NEK11: variants seen among roughly 807,000 people sequenced by gnomAD.
The protein encoded by NEK11 is NIMA related kinase 11, also known as serine/threonine-protein kinase Nek11.
In NEK11, 72 loss-of-function variants were observed where a neutral mutation model predicts 80.7. The observed-to-expected ratio is 0.89, with a 90% CI of 0.74 to 1.08. The LOEUF is 1.08. NEK11 is among the 50% of genes least tolerant of loss of function. The pLI, the probability that NEK11 is intolerant of heterozygous loss-of-function variation, is 0.00. For synonymous variants in NEK11, 251 were observed against 260.7 expected (o/e 0.96, Z 0.36); for missense variants, 764 against 763.6 (o/e 1.00, Z -0.01).
At chr3:131,081,880 A>C (rs2075326188) in intron 4 of NEK11, among the ~76,000 whole-genome samples, 1 of 152,240 alleles carries the variant, frequency 6.6e-6, no homozygotes, top group South Asian at 2.1e-4. Context: ...AGGAAAAGGG[A>C]TAGCAGCGAG....
At chr3:131,056,661 A>G (rs2069561323) in intron 3 of NEK11, among the ~76,000 whole-genome samples, 1 of 152,166 alleles carries the variant, frequency 6.6e-6, no homozygotes, top group Non-Finnish European at 1.5e-5. Context: ...TCATATCCCT[A>G]TTGGTCAGAA....
intron 9 of NEK11, among the ~76,000 whole-genome samples, chr3:131,153,571 A>G (rs1002362137): frequency 3.3e-5 from 5 of 151,990 alleles, no homozygotes; most frequent in Non-Finnish European, 5.9e-5. Context: ...CTGTAATTTT[A>G]TGCGTAACTT....
At chr3:131,053,409 G>A (rs1172473910) in intron 3 of NEK11, 1 of 152,236 alleles carries the variant, frequency 6.6e-6, no homozygotes, top group Non-Finnish European at 1.5e-5. Context: ...AATTGGCTGA[G>A]AAATAAATCT....
At position 131,273,551 on chromosome 3, in the gene NEK11, G is replaced by A; in HGVS notation, c.1695G>A (p.Arg565=). ...GPPIFNSVMA[R]TKMKRMRESA... ...CAATTTTCAACAGTGTGATGGCCAG[G>A]ACCAAGATGAAACGCATGAGGGAGT... Residue 565 remains arginine (R), a synonymous_variant, in exon 17 of 18, where the codon AGG becomes AGA. Transcript: ENST00000383366. The A allele has an allele frequency of 6.2e-7, 1 of 1,613,896 alleles. No homozygotes were observed. Among genetic ancestry groups the A allele is most frequent in the African/African-American group, 1.3e-5 (1 of 75,018 alleles).
chr3:131,207,131 G>T (rs576284817), intron 14 of NEK11, among the ~76,000 whole-genome samples: 1 of 152,172 alleles, frequency 6.6e-6, no homozygotes, highest in Non-Finnish European at 1.5e-5. Context: ...AAACATATGC[G>T]CACATGTGTC....
intron 17 of NEK11, chr3:131,328,768 T>C (rs892262312): frequency 6.6e-6 from 1 of 152,252 alleles, no homozygotes; most frequent in Non-Finnish European, 1.5e-5. Context: ...TTAAACGTTT[T>C]CTGCTGTTAA....
intron 3 of NEK11, among the ~76,000 whole-genome samples, chr3:131,060,752 T>C (rs1231088950): frequency 6.6e-6 from 1 of 152,208 alleles, no homozygotes; most frequent in Non-Finnish European, 1.5e-5. Flanking sequence ...CTGTACCATT[T>C]TGCATTCCCA....
intron 15 of NEK11, among the ~76,000 whole-genome samples, chr3:131,231,036 C>T (rs2095319745): frequency 6.6e-6 from 1 of 152,032 alleles, no homozygotes; most frequent in African/African-American, 2.4e-5. Flanking sequence ...CCTTTCCAGC[C>T]ATGTGGAACT....
intron 3 of NEK11, among the ~76,000 whole-genome samples, chr3:131,070,694 T>C (rs959141579): frequency 1.3e-5 from 2 of 152,192 alleles, no homozygotes; most frequent in Non-Finnish European, 2.9e-5. Context: ...GTTTTTGTTC[T>C]TTGAAAAATG....
intron 17 of NEK11, among the ~76,000 whole-genome samples, chr3:131,344,168 T>A (rs1188919763): frequency 6.6e-6 from 1 of 152,188 alleles, no homozygotes; most frequent in Non-Finnish European, 1.5e-5. Flanking sequence ...CCAGGACACA[T>A]CTTGAAGGCT....
At chr3:131,265,586 G>A (rs1191888168) in intron 16 of NEK11, among the ~76,000 whole-genome samples, 1 of 152,150 alleles carries the variant, frequency 6.6e-6, no homozygotes, top group East Asian at 1.9e-4. Flanking sequence ...TAGTGGATAA[G>A]CTTTTTGATG....
intron 17 of NEK11, among the ~76,000 whole-genome samples, chr3:131,318,301 C>T (rs2096864069): frequency 6.6e-6 from 1 of 152,068 alleles, no homozygotes; most frequent in South Asian, 2.1e-4. Flanking sequence ...TCATTATTTC[C>T]ATTTTAAAAT....
At chr3:131,349,234 T>C (rs2097416533) in intron 17 of NEK11, among the ~76,000 whole-genome samples, 1 of 152,166 alleles carries the variant, frequency 6.6e-6, no homozygotes, top group Admixed American at 6.5e-5. Context: ...TATATGTGTA[T>C]ATATACATAC....
intron 14 of NEK11, among the ~76,000 whole-genome samples, chr3:131,226,738 A>G (rs75523149): frequency 0.052 from 7,976 of 152,084 alleles, 680 homozygotes; most frequent in African/African-American, 0.18. Flanking sequence ...AGTGTATACT[A>G]CTCGGTGAGG....
intron 16 of NEK11, among the ~76,000 whole-genome samples, chr3:131,265,764 G>A (rs549790588): frequency 1.1e-4 from 17 of 152,140 alleles, no homozygotes; most frequent in East Asian, 3.9e-4. Context: ...TTTTTCTATC[G>A]TTTGGAATAC....
intron 17 of NEK11, among the ~76,000 whole-genome samples, chr3:131,337,068 G>A (rs2097197697): frequency 6.6e-6 from 1 of 152,146 alleles, no homozygotes. Flanking sequence ...AATTCCTCAG[G>A]CATCTAGAAC....
At chr3:131,155,687 C>G (rs1257971818) in intron 10 of NEK11, among the ~76,000 whole-genome samples, 2 of 152,200 alleles carry the variant, frequency 1.3e-5, no homozygotes, top group Admixed American at 1.3e-4. Context: ...ACCCAGAATA[C>G]TAGGTTCTTA....
chr3:131,114,388 A>G (rs566970527), intron 5 of NEK11, among the ~76,000 whole-genome samples: 8 of 151,960 alleles, frequency 5.3e-5, no homozygotes, highest in African/African-American at 1.9e-4. Context: ...TATTAACAAA[A>G]CTCCAGTGTC....
At chr3:131,260,247 G>A (rs530111781) in intron 16 of NEK11, among the ~76,000 whole-genome samples, 8 of 152,018 alleles carry the variant, frequency 5.3e-5, no homozygotes, top group Non-Finnish European at 1.2e-4. Context: ...CACTTCTATG[G>A]GATGTTAGAG....
Sources: gnomAD v4.1 joint callset for allele counts (sites outside exome capture counted in the v4.1 genomes callset) on GRCh38, gnomAD v4.1.1 for gene constraint, MANE v1.5 for transcripts, NCBI Gene and HGNC (gene_info 2026-07-23, HGNC 2026-07-21) for gene names.